PTPRD: variants seen among roughly 807,000 people sequenced by gnomAD.
PTPRD encodes protein tyrosine phosphatase receptor type D.
In PTPRD, 34 loss-of-function variants were observed where a neutral mutation model predicts 214.5. The ratio of observed to expected loss-of-function variants is 0.16; its 90% confidence interval spans 0.12 to 0.21. PTPRD has a LOEUF of 0.21. Among genes scored for constraint, PTPRD ranks in the 10% least tolerant of loss-of-function variants. PTPRD has a pLI of 1.00. For synonymous variants in PTPRD, 1,128 were observed against 845.7 expected (o/e 1.33, Z -5.79); for missense variants, 2,545 against 2,398.7 (o/e 1.06, Z -1.27).
intron 5 of PTPRD, among the ~76,000 whole-genome samples, chr9:9,815,915 C>A (rs1003181718): frequency 6.6e-6 from 1 of 152,112 alleles, no homozygotes; most frequent in Non-Finnish European, 1.5e-5. Context: ...AGTGTTCTCA[C>A]CACACATACA....
At chr9:9,794,924 G>A (rs1167432683) in intron 5 of PTPRD, among the ~76,000 whole-genome samples, 1 of 152,214 alleles carries the variant, frequency 6.6e-6, no homozygotes, top group Non-Finnish European at 1.5e-5. Flanking sequence ...TTTAGAAGAT[G>A]CTGCAATCAT....
At chr9:8,841,886 C>T (rs112507468) in intron 11 of PTPRD, among the ~76,000 whole-genome samples, 4,172 of 151,776 alleles carry the variant, frequency 0.027, 141 homozygotes, top group South Asian at 0.087. Flanking sequence ...TGGCGGACAC[C>T]GGTAATCCCA....
intron 2 of PTPRD, among the ~76,000 whole-genome samples, chr9:10,503,193 C>CA (rs753847764): frequency 0.12 from 8,160 of 68,744 alleles, 885 homozygotes; most frequent in Non-Finnish European, 0.16. Flanking sequence ...AGCTGCAATA[C>CA]AAAAAAAAAA....
chr9:9,888,362 C>G (rs1234347362), intron 5 of PTPRD, among the ~76,000 whole-genome samples: 1 of 152,144 alleles, frequency 6.6e-6, no homozygotes, highest in Admixed American at 6.6e-5. Flanking sequence ...GGACTACTGC[C>G]ATCATATTGT....
chr9:9,260,266 T>C (rs1251237645), intron 9 of PTPRD, among the ~76,000 whole-genome samples: 9 of 151,788 alleles, frequency 5.9e-5, no homozygotes, highest in Non-Finnish European at 2.9e-5. Context: ...GAACTTGAAA[T>C]ATGGAAACAT....
chr9:9,856,654 T>C (rs543650148), intron 5 of PTPRD, among the ~76,000 whole-genome samples: 15 of 152,042 alleles, frequency 9.9e-5, no homozygotes, highest in Admixed American at 5.9e-4. Context: ...AAAAAAATTA[T>C]TGTGAAAACC....
chr9:9,592,330 T>C (rs962361839), intron 7 of PTPRD, among the ~76,000 whole-genome samples: 1 of 151,902 alleles, frequency 6.6e-6, no homozygotes, highest in Admixed American at 6.6e-5. Context: ...AAAACAAAAA[T>C]AATGCAAAAC....
intron 12 of PTPRD, among the ~76,000 whole-genome samples, chr9:8,697,979 G>A (rs1565367210): frequency 6.6e-6 from 1 of 152,158 alleles, no homozygotes; most frequent in Admixed American, 6.5e-5. Context: ...CTAAACTTCT[G>A]AGGTCATGGA....
At chr9:10,136,076 G>T (rs1402045929) in intron 3 of PTPRD, among the ~76,000 whole-genome samples, 1 of 151,544 alleles carries the variant, frequency 6.6e-6, no homozygotes, top group Non-Finnish European at 1.5e-5. Context: ...AAAGAGCACA[G>T]GTCGATATTC....
chr9:9,646,490 GTTTA>G (rs1398780155), intron 7 of PTPRD, among the ~76,000 whole-genome samples: 1 of 152,034 alleles, frequency 6.6e-6, no homozygotes, highest in African/African-American at 2.4e-5. Flanking sequence ...TAAGTTTTCT[GTTTA>G]TTTTTCTGCT....
chr9:9,600,349 A>T (rs1308264328), intron 7 of PTPRD, among the ~76,000 whole-genome samples: 2 of 152,240 alleles, frequency 1.3e-5, no homozygotes, highest in Non-Finnish European at 2.9e-5. Flanking sequence ...GAAAAGATAC[A>T]ACTGTAATAA....
chr9:9,520,101 T>C (rs1256894514), intron 8 of PTPRD, among the ~76,000 whole-genome samples: 1 of 151,964 alleles, frequency 6.6e-6, no homozygotes, highest in Non-Finnish European at 1.5e-5. Flanking sequence ...TTGTACCTAC[T>C]CGTACAAGAG....
chr9:9,458,856 C>T (rs912792018), intron 8 of PTPRD, among the ~76,000 whole-genome samples: 3 of 152,072 alleles, frequency 2.0e-5, no homozygotes, highest in Non-Finnish European at 4.4e-5. Context: ...GGAAGGATTG[C>T]TTGAGCTTGG....
chr9:9,551,726 A>AT (rs1357958605), intron 8 of PTPRD, among the ~76,000 whole-genome samples: 1 of 151,976 alleles, frequency 6.6e-6, no homozygotes, highest in Non-Finnish European at 1.5e-5. Flanking sequence ...ATAGCCTGGG[A>AT]TAAAAAGCTG....
At chr9:10,390,671 C>T (rs1156343395) in intron 2 of PTPRD, among the ~76,000 whole-genome samples, 1 of 151,582 alleles carries the variant, frequency 6.6e-6, no homozygotes, top group Non-Finnish European at 1.5e-5. Context: ...CTTTTCTCTT[C>T]AAGATGGGGA....
intron 2 of PTPRD, among the ~76,000 whole-genome samples, chr9:10,588,230 A>G (rs2074435178): frequency 6.6e-6 from 1 of 152,090 alleles, no homozygotes; most frequent in Admixed American, 6.6e-5. Context: ...TCTCAGTTTT[A>G]TAGTTGCAGT....
intron 12 of PTPRD, among the ~76,000 whole-genome samples, chr9:8,645,199 C>G (rs2096661556): frequency 6.6e-6 from 1 of 152,122 alleles, no homozygotes; most frequent in African/African-American, 2.4e-5. Flanking sequence ...GAAACTTCAC[C>G]CAGAATATGC....
At chr9:9,078,557 T>G (rs1208963268) in intron 10 of PTPRD, among the ~76,000 whole-genome samples, 1 of 152,206 alleles carries the variant, frequency 6.6e-6, no homozygotes, top group Non-Finnish European at 1.5e-5. Context: ...CATGTTCCAC[T>G]TTTTTATTAT....
At chr9:8,441,313 T>C (rs1014337961) in intron 34 of PTPRD, among the ~76,000 whole-genome samples, 5 of 152,086 alleles carry the variant, frequency 3.3e-5, no homozygotes, top group Admixed American at 6.5e-5. Flanking sequence ...AGTGTACACA[T>C]TGGGGGGCTT....
Sources: allele counts gnomAD v4.1 joint callset (sites outside exome capture counted in the v4.1 genomes callset), GRCh38; gene constraint gnomAD v4.1.1; transcripts MANE v1.5; gene names NCBI Gene and HGNC (gene_info 2026-07-23, HGNC 2026-07-21).